The following COX7B2 variants were observed in gnomAD, a reference collection of about 807,000 sequenced individuals.
COX7B2 encodes the protein cytochrome c oxidase subunit 7B2, mitochondrial.
For missense variants in COX7B2, 109 were observed against 95.9 expected (o/e 1.14, Z -0.57); for synonymous variants, 37 against 32.1 (o/e 1.15, Z -0.51).
intron 2 of COX7B2, among the ~76,000 whole-genome samples, chr4:46,779,390 A>G (rs1717321503): frequency 2.0e-5 from 3 of 152,158 alleles, no homozygotes; most frequent in Admixed American, 6.5e-5. Flanking sequence ...CGTTGTGTAT[A>G]TATATATGTC....
intron 2 of COX7B2, among the ~76,000 whole-genome samples, chr4:46,813,556 G>C (rs1719394973): frequency 6.6e-6 from 1 of 152,130 alleles, no homozygotes; most frequent in African/African-American, 2.4e-5. Flanking sequence ...GGCCTGTCGT[G>C]GGGTGGAGGG....
intron 1 of COX7B2, among the ~76,000 whole-genome samples, chr4:46,848,549 G>T (rs144239587): frequency 3.9e-5 from 6 of 151,948 alleles, no homozygotes; most frequent in Admixed American, 3.3e-4. Context: ...TCTATAGGGA[G>T]CATACTATTT....
intron 2 of COX7B2, among the ~76,000 whole-genome samples, chr4:46,781,212 T>A (rs1254213664): frequency 6.6e-6 from 1 of 152,034 alleles, no homozygotes; most frequent in Non-Finnish European, 1.5e-5. Context: ...GCTACTACAG[T>A]TCTGCTCTGG....
Position 46,870,751 on chromosome 4 carries a change from G to T in COX7B2, c.-104-25737C>A, listed in dbSNP as rs75530203. ...ATACCACTCACAACTGCCACAAAAA[G>T]AATAAAATATCTAGAAATACAGCTA... is the stretch of plus-strand genomic sequence containing the variant. On this transcript the variant is annotated intron_variant, in intron 1 of 2. Coordinates refer to ENST00000355591, the MANE Select transcript of COX7B2 (RefSeq NM_130902.3). Among the ~76,000 whole-genome samples the T allele has an allele frequency of 3.0e-4, 45 of 151,978 alleles. 1 individual carries two copies. Among genetic ancestry groups the T allele is most frequent in the African/African-American group, 1.0e-3 (42 of 41,444 alleles).
chr4:46,775,169 T>C (rs1032004841), intron 2 of COX7B2, among the ~76,000 whole-genome samples: 1 of 152,066 alleles, frequency 6.6e-6, no homozygotes, highest in African/African-American at 2.4e-5. Flanking sequence ...TTTAAGATAA[T>C]GACTAAGAAA....
intron 2 of COX7B2, among the ~76,000 whole-genome samples, chr4:46,759,793 A>G (rs932947430): frequency 2.3e-5 from 3 of 132,282 alleles, no homozygotes; most frequent in African/African-American, 8.0e-5. Flanking sequence ...TATATAAGTT[A>G]TATAAGTCAT....
At chr4:46,786,777 C>T (rs897921791) in intron 2 of COX7B2, among the ~76,000 whole-genome samples, 9 of 152,172 alleles carry the variant, frequency 5.9e-5, no homozygotes, top group Non-Finnish European at 5.9e-5. Flanking sequence ...TAGGGATGCC[C>T]GGCTAGAGAA....
intron 2 of COX7B2, among the ~76,000 whole-genome samples, chr4:46,742,214 A>G (rs1457313440): frequency 1.3e-5 from 2 of 152,140 alleles, no homozygotes; most frequent in African/African-American, 2.4e-5. Context: ...TGAATGATAC[A>G]CTTTTGGAGC....
chr4:46,807,862 A>C (rs1719083695), intron 2 of COX7B2, among the ~76,000 whole-genome samples: 1 of 151,802 alleles, frequency 6.6e-6, no homozygotes, highest in Non-Finnish European at 1.5e-5. Context: ...TGGGGTCTCT[A>C]TTCTGTTCCA....
At chr4:46,819,768 C>A (rs1468617977) in intron 2 of COX7B2, among the ~76,000 whole-genome samples, 1 of 152,094 alleles carries the variant, frequency 6.6e-6, no homozygotes, top group Non-Finnish European at 1.5e-5. Flanking sequence ...GGGTGCTCAA[C>A]AATTATTTTT....
chr4:46,750,923 A>AG (rs1362783062), intron 2 of COX7B2, among the ~76,000 whole-genome samples: 1 of 152,158 alleles, frequency 6.6e-6, no homozygotes, highest in East Asian at 1.9e-4. Context: ...ACCTCTTCAC[A>AG]GACCCTATCT....
At chr4:46,887,294 G>C (rs1324595134) in intron 1 of COX7B2, among the ~76,000 whole-genome samples, 2 of 152,182 alleles carry the variant, frequency 1.3e-5, no homozygotes, top group East Asian at 3.8e-4. Flanking sequence ...TGTCCTAGCT[G>C]GTTTGACAAC....
At chr4:46,860,108 A>T (rs1029784224) in intron 1 of COX7B2, among the ~76,000 whole-genome samples, 2 of 152,186 alleles carry the variant, frequency 1.3e-5, no homozygotes, top group Admixed American at 6.5e-5. Flanking sequence ...GCTCGAGAAG[A>T]TGGCAAGAGT....
At chr4:46,782,754 A>G (rs2109557766) in intron 2 of COX7B2, among the ~76,000 whole-genome samples, 1 of 152,264 alleles carries the variant, frequency 6.6e-6, no homozygotes, top group East Asian at 1.9e-4. Flanking sequence ...AAACAACTCA[A>G]GATGCGCTGC....
intron 2 of COX7B2, among the ~76,000 whole-genome samples, chr4:46,753,685 A>T (rs1401180128): frequency 6.6e-6 from 1 of 152,052 alleles, no homozygotes; most frequent in Non-Finnish European, 1.5e-5. Context: ...ACCAAAAGCA[A>T]TGGCAACAAA....
chr4:46,839,138 A>T (rs2109750235), intron 2 of COX7B2, among the ~76,000 whole-genome samples: 1 of 151,684 alleles, frequency 6.6e-6, no homozygotes, highest in South Asian at 2.1e-4. Flanking sequence ...CTTTGCTGAG[A>T]CTCCCAGAGT....
At chr4:46,781,878 C>T (rs1245705645) in intron 2 of COX7B2, among the ~76,000 whole-genome samples, 1 of 152,216 alleles carries the variant, frequency 6.6e-6, no homozygotes, top group Non-Finnish European at 1.5e-5. Context: ...CCACGCGGGC[C>T]TCAGCCGCCT....
At chr4:46,856,954 G>A (rs1269608845) in intron 1 of COX7B2, among the ~76,000 whole-genome samples, 2 of 152,156 alleles carry the variant, frequency 1.3e-5, no homozygotes, top group Non-Finnish European at 2.9e-5. Context: ...GATAGAGTTT[G>A]ATAGACCCGT....
At chr4:46,846,688 G>T (rs1354149780) in intron 1 of COX7B2, among the ~76,000 whole-genome samples, 1 of 151,980 alleles carries the variant, frequency 6.6e-6, no homozygotes, top group African/African-American at 2.4e-5. Context: ...AGAGGCTAGA[G>T]AAGTAACAAA....
Sources: allele counts gnomAD v4.1 joint callset (sites outside exome capture counted in the v4.1 genomes callset), GRCh38; gene constraint gnomAD v4.1.1; transcripts MANE v1.5; gene names NCBI Gene and HGNC (gene_info 2026-07-23, HGNC 2026-07-21).